ANO2: variants seen among roughly 807,000 people sequenced by gnomAD.
The protein encoded by ANO2 is anoctamin 2.
ANO2 carries 101 observed loss-of-function variants against 124.2 expected under a neutral mutation model. The ratio of observed to expected loss-of-function variants is 0.81; its 90% CI spans 0.69 to 0.96. The LOEUF is 0.96. Ranked by LOEUF, ANO2 falls within the 40% of genes least tolerant of loss-of-function variation. The pLI, the probability that ANO2 is intolerant of heterozygous loss-of-function variation, is 0.00. For missense variants in ANO2, 1,293 were observed against 1,274.5 expected (o/e 1.01, Z -0.22); for synonymous variants, 486 against 482.5 (o/e 1.01, Z -0.09).
intron 13 of ANO2, among the ~76,000 whole-genome samples, chr12:5,733,985 T>G (rs1950753971): frequency 6.6e-6 from 1 of 152,256 alleles, no homozygotes; most frequent in South Asian, 2.1e-4. Context: ...TGCACAGTAC[T>G]TGGCACCATG....
At chr12:5,613,769 T>C (rs751225244) in intron 17 of ANO2, among the ~76,000 whole-genome samples, 23 of 152,220 alleles carry the variant, frequency 1.5e-4, no homozygotes, top group Non-Finnish European at 2.9e-4. Context: ...CTGGAGATGA[T>C]AGTGTGCTGT....
chr12:5,615,745 C>T (rs1344827865), intron 16 of ANO2, among the ~76,000 whole-genome samples: 1 of 152,142 alleles, frequency 6.6e-6, no homozygotes, highest in Admixed American at 6.5e-5. Flanking sequence ...GGTACCATGA[C>T]TTGATTCCTC....
chr12:5,921,460 G>A, intron 2 of ANO2, 94 bp from the exon 3 acceptor site: 2 of 1,288,674 alleles, frequency 1.6e-6, no homozygotes, highest in Non-Finnish European at 2.1e-6. Flanking sequence ...CAGGGAAACG[G>A]ACTCAGAAGC....
intron 7 of ANO2, among the ~76,000 whole-genome samples, chr12:5,821,427 G>T (rs1029211770): frequency 6.6e-6 from 1 of 152,218 alleles, no homozygotes; most frequent in Non-Finnish European, 1.5e-5. Flanking sequence ...ATGAAAGGCT[G>T]CCAGTTTTGA....
chr12:5,865,274 T>G (rs143411154), intron 3 of ANO2, among the ~76,000 whole-genome samples: 64 of 152,300 alleles, frequency 4.2e-4, no homozygotes, highest in Non-Finnish European at 7.1e-4. Context: ...GAAAGAAATC[T>G]AAGCCATCAT....
intron 1 of ANO2, among the ~76,000 whole-genome samples, chr12:5,940,290 A>G (rs1210577292): frequency 1.3e-5 from 2 of 152,364 alleles, no homozygotes; most frequent in Middle Eastern, 3.4e-3. Context: ...AGTTAACTAC[A>G]TTTAGCAAAA....
At chr12:5,595,925 T>G (rs1309261952) in intron 20 of ANO2, among the ~76,000 whole-genome samples, 1 of 152,214 alleles carries the variant, frequency 6.6e-6, no homozygotes, top group African/African-American at 2.4e-5. Context: ...GGATATTAAG[T>G]GATTTATACT....
chr12:5,672,555 G>T (rs1948060773), intron 14 of ANO2, among the ~76,000 whole-genome samples: 1 of 152,198 alleles, frequency 6.6e-6, no homozygotes, highest in African/African-American at 2.4e-5. Context: ...ATGGAGGTCA[G>T]CTACCTGGTT....
chr12:5,701,198 C>T (rs578135932), intron 14 of ANO2, among the ~76,000 whole-genome samples: 167 of 141,224 alleles, frequency 1.2e-3, no homozygotes, highest in Admixed American at 1.9e-3. Context: ...CTCTGAAAAG[C>T]GGGGTCTACA....
intron 14 of ANO2, among the ~76,000 whole-genome samples, chr12:5,679,650 G>GAAGAAATAGGTTCTTCCTAT (rs1375944957): frequency 6.6e-6 from 1 of 152,222 alleles, no homozygotes; most frequent in African/African-American, 2.4e-5. Flanking sequence ...AGATGTTGGT[G>GAAGAAATAGGTTCTTCCTAT]AGGTTAGGAA....
chr12:5,755,856 G>A (rs1335844621), intron 10 of ANO2, among the ~76,000 whole-genome samples: 1 of 152,050 alleles, frequency 6.6e-6, no homozygotes, highest in Admixed American at 6.5e-5. Flanking sequence ...CAATGTACTT[G>A]GGTACATTGA....
intron 3 of ANO2, among the ~76,000 whole-genome samples, chr12:5,916,491 T>TAAA (rs769233593): frequency 3.1e-5 from 3 of 98,120 alleles, no homozygotes; most frequent in Non-Finnish European, 4.0e-5. Flanking sequence ...TCGCAGCAGG[T>TAAA]TAAAAAAAAA....
intron 1 of ANO2, among the ~76,000 whole-genome samples, chr12:5,928,369 A>G (rs1942186166): frequency 6.6e-6 from 1 of 151,652 alleles, no homozygotes; most frequent in Non-Finnish European, 1.5e-5. Flanking sequence ...GAGCATCCGC[A>G]CTCTCCCAGG....
chr12:5,654,192 T>C (rs1217313004), intron 14 of ANO2, among the ~76,000 whole-genome samples: 1 of 152,116 alleles, frequency 6.6e-6, no homozygotes, highest in African/African-American at 2.4e-5. Context: ...ATCAGATCAG[T>C]CCTGAAGTAC....
At chr12:5,608,801 A>T (rs773582736) in intron 19 of ANO2, 1 of 152,306 alleles carries the variant, frequency 6.6e-6, no homozygotes, top group Non-Finnish European at 1.5e-5. Context: ...GGGTGGAGAC[A>T]TGCCAACGTG....
intron 10 of ANO2, among the ~76,000 whole-genome samples, chr12:5,796,377 C>T (rs1188177045): frequency 1.3e-5 from 2 of 151,602 alleles, no homozygotes; most frequent in African/African-American, 4.9e-5. Flanking sequence ...CATATACACT[C>T]TCCCAAACAC....
intron 14 of ANO2, among the ~76,000 whole-genome samples, chr12:5,683,888 A>G (rs1361714608): frequency 1.3e-5 from 2 of 151,934 alleles, no homozygotes; most frequent in Non-Finnish European, 2.9e-5. Context: ...TGGCTCTTCC[A>G]AGGCTCAGCC....
chr12:5,591,224 G>A (rs1390013446), intron 20 of ANO2, among the ~76,000 whole-genome samples: 2 of 152,184 alleles, frequency 1.3e-5, no homozygotes, highest in African/African-American at 2.4e-5. Context: ...TGCACACGGG[G>A]AAAATCACAG....
At chr12:5,917,565 C>CTTTTTTTTTT (rs1275136752) in intron 3 of ANO2, among the ~76,000 whole-genome samples, 11 of 100,652 alleles carry the variant, frequency 1.1e-4, no homozygotes, top group Non-Finnish European at 2.0e-4. Context: ...TCTCTTTTTT[C>CTTTTTTTTTT]TTTTTTTTTT....
Sources: gnomAD v4.1 joint callset for allele counts (sites outside exome capture counted in the v4.1 genomes callset) on GRCh38, gnomAD v4.1.1 for gene constraint, MANE v1.5 for transcripts, NCBI Gene and HGNC (gene_info 2026-07-23, HGNC 2026-07-21) for gene names.